Variants in CDS1 observed in about 807,000 individuals in gnomAD.
CDS1 encodes CDP-diacylglycerol synthase 1.
CDS1 carries 41 observed loss-of-function variants against 62.1 expected under a neutral mutation model. That is an observed-to-expected ratio of 0.66 (90% CI 0.51 to 0.86). CDS1 has a LOEUF of 0.86. CDS1 is among the 40% of genes least tolerant of loss of function. The pLI is 0.00. For synonymous variants in CDS1, 185 were observed against 192.6 expected (o/e 0.96, Z 0.32); for missense variants, 470 against 550.1 (o/e 0.85, Z 1.46).
At chr4:84,593,209 C>A (rs1186075578) in intron 1 of CDS1, among the ~76,000 whole-genome samples, 1 of 151,870 alleles carries the variant, frequency 6.6e-6, no homozygotes. Context: ...TGTAGTAGTC[C>A]CATTTATAAT....
At chr4:84,646,028 A>G (rs976759130) in intron 12 of CDS1, among the ~76,000 whole-genome samples, 6 of 152,156 alleles carry the variant, frequency 3.9e-5, no homozygotes, top group African/African-American at 7.2e-5. Context: ...CTTAACATCA[A>G]CTGCATGTTA....
At chr4:84,644,307 C>G (rs1443643857) in intron 11 of CDS1, among the ~76,000 whole-genome samples, 1 of 152,096 alleles carries the variant, frequency 6.6e-6, no homozygotes, top group Non-Finnish European at 1.5e-5. Flanking sequence ...AAGTATCTTG[C>G]GAAGGCTGTA....
At chr4:84,640,729 T>G in intron 9 of CDS1, 109 bp from the exon 10 acceptor site, 11 of 799,018 alleles carry the variant, frequency 1.4e-5, no homozygotes, top group Non-Finnish European at 1.9e-5. Flanking sequence ...AATTCTGGCA[T>G]TCTATCTCTG....
rs941830006 is a variant in CDS1 at position 84,650,821 on chromosome 4, C to T, written c.*2135C>T. The T allele has an allele frequency of 2.0e-5, 3 of 152,132 alleles. No individual in the cohort carries two copies. The highest frequency in any genetic ancestry group is 7.2e-5 in the African/African-American group (3 of 41,438). 9.4% of individuals were successfully genotyped at this position (152,132 alleles called of 1,614,324 possible). A position where few individuals can be genotyped will look rare whatever the true frequency, so the allele number is the denominator to read the frequency against. ...GCTCTCGATTGACCTTTTTAGCATACTTTTATAGCATGTATATTAAAATAG... is the reference window on the plus strand; with the variant it reads ...GCTCTCGATTGACCTTTTTAGCATATTTTTATAGCATGTATATTAAAATAG... On this transcript the variant is annotated 3_prime_UTR_variant, in exon 13 of 13. Transcript: ENST00000295887.
chr4:84,594,363 G>A (rs902694140), intron 1 of CDS1, among the ~76,000 whole-genome samples: 5 of 152,070 alleles, frequency 3.3e-5, no homozygotes, highest in African/African-American at 4.8e-5. Flanking sequence ...CTTGTTATGC[G>A]GATAGTCTCT....
At chr4:84,636,038 T>C (rs375435979) in intron 8 of CDS1, among the ~76,000 whole-genome samples, 1 of 152,012 alleles carries the variant, frequency 6.6e-6, no homozygotes, top group African/African-American at 2.4e-5. Flanking sequence ...ATTAAAGGCG[T>C]GAGCCACCGC....
At chr4:84,620,698 A>G (rs1723657140) in intron 5 of CDS1, among the ~76,000 whole-genome samples, 1 of 152,128 alleles carries the variant, frequency 6.6e-6, no homozygotes, top group Non-Finnish European at 1.5e-5. Context: ...TGATTTTTTT[A>G]AATGTGCTTT....
chr4:84,648,545 T>C lies in CDS1; in HGVS notation c.1257-12T>C, dbSNP rs1411270408. The C allele has an allele frequency of 6.2e-7, 1 of 1,609,980 alleles. No homozygotes were observed. Among genetic ancestry groups the C allele is most frequent in the Non-Finnish European group, 8.5e-7 (1 of 1,178,498 alleles). ...ATAACACGAACTTGTCTTCTTTGCC[T>C]TTTATCATTAGGGGCCCAAATCCCA... On this transcript the variant is annotated splice_polypyrimidine_tract_variant and intron_variant, in intron 12 of 12. Transcript: ENST00000295887.
At chr4:84,600,607 G>T (rs1029455150) in intron 1 of CDS1, among the ~76,000 whole-genome samples, 1 of 152,180 alleles carries the variant, frequency 6.6e-6, no homozygotes, top group Non-Finnish European at 1.5e-5. Flanking sequence ...CCATATGTAT[G>T]TAGGTTTATT....
chr4:84,638,819 G>C (rs1259321606), intron 8 of CDS1, 105 bp from the exon 9 acceptor site: 1 of 303,906 alleles, frequency 3.3e-6, no homozygotes, highest in African/African-American at 2.2e-5. Flanking sequence ...AAAGTAAGGA[G>C]AGATGTACAA....
rs188812657 is a variant in CDS1 at position 84,636,458 on chromosome 4, C to A, written c.810+1107C>A. ...ATTTGGGAGAAGAAATAAACTAATT[C>A]TTCATGGAAATCAAATCATTTTCTA... On this transcript the variant is annotated intron_variant, in intron 8 of 12. Coordinates refer to ENST00000295887, the MANE Select transcript of CDS1 (RefSeq NM_001263.4). Among the ~76,000 whole-genome samples, 31 of 152,094 alleles carry A rather than the reference C, an allele frequency of 2.0e-4. No homozygotes were observed. The East Asian group carries it at 6.0e-3, about 29-fold the overall frequency.
chr4:84,629,786 G>A (rs1305815482), intron 5 of CDS1, among the ~76,000 whole-genome samples: 1 of 152,118 alleles, frequency 6.6e-6, no homozygotes, highest in Non-Finnish European at 1.5e-5. Flanking sequence ...AGTTGCCAAG[G>A]TTGTCCTGGA....
intron 3 of CDS1, among the ~76,000 whole-genome samples, chr4:84,612,880 T>C (rs1488348850): frequency 6.6e-6 from 1 of 151,494 alleles, no homozygotes; most frequent in African/African-American, 2.4e-5. Flanking sequence ...TCTGAGCTAC[T>C]TGGGAGGCTG....
At chr4:84,644,956 C>T (rs550404159) in intron 11 of CDS1, among the ~76,000 whole-genome samples, 21 of 151,888 alleles carry the variant, frequency 1.4e-4, no homozygotes, top group Middle Eastern at 3.4e-3. Flanking sequence ...GTTTTATTAA[C>T]GAAAAAAAGT....
chr4:84,585,711 G>T (rs1722392059), intron 1 of CDS1, among the ~76,000 whole-genome samples: 1 of 152,108 alleles, frequency 6.6e-6, no homozygotes, highest in Admixed American at 6.5e-5. Flanking sequence ...CACTCCCTTT[G>T]TTCCGGACTG....
chr4:84,628,182 G>A (rs1723914180), intron 5 of CDS1, among the ~76,000 whole-genome samples: 1 of 152,126 alleles, frequency 6.6e-6, no homozygotes, highest in Admixed American at 6.6e-5. Flanking sequence ...TGGGGGATGA[G>A]TCAGAAGCTT....
intron 5 of CDS1, among the ~76,000 whole-genome samples, chr4:84,620,416 G>T (rs1011489312): frequency 9.2e-5 from 14 of 151,676 alleles, no homozygotes; most frequent in African/African-American, 3.1e-4. Flanking sequence ...TAGAGACGGG[G>T]TTTCACCGTG....
chr4:84,606,326 GT>G (rs200883609), intron 2 of CDS1, among the ~76,000 whole-genome samples: 2,256 of 151,262 alleles, frequency 0.015, 29 homozygotes, highest in Non-Finnish European at 0.023. Flanking sequence ...GTGTGTGTGT[GT>G]GTGTATGTGT....
At chr4:84,583,677 A>AG (rs1414865334) in intron 1 of CDS1, among the ~76,000 whole-genome samples, 159 bp downstream of exon 1, 2 of 151,976 alleles carry the variant, frequency 1.3e-5, no homozygotes, top group Non-Finnish European at 1.5e-5. Context: ...CCTTCTCCAG[A>AG]GGGGGTCGGG....
Sources: gnomAD v4.1 joint callset for allele counts (sites outside exome capture counted in the v4.1 genomes callset) on GRCh38, gnomAD v4.1.1 for gene constraint, MANE v1.5 for transcripts, NCBI Gene and HGNC (gene_info 2026-07-23, HGNC 2026-07-21) for gene names.